The following RAP1A variants were observed in gnomAD, a reference collection of about 807,000 sequenced individuals.
The protein encoded by RAP1A is ras-related protein Rap-1A.
A neutral mutation model predicts 26.4 loss-of-function variants in RAP1A; 6 were observed. The observed-to-expected ratio is 0.23, with a 90% CI of 0.12 to 0.45. The LOEUF is 0.45. Ranked by LOEUF, RAP1A falls within the 20% of genes least tolerant of loss-of-function variation. The pLI, the probability that RAP1A is intolerant of heterozygous loss-of-function variation, is 0.99. For missense variants in RAP1A, 121 were observed against 217.2 expected (o/e 0.56, Z 2.78); for synonymous variants, 73 against 79.4 (o/e 0.92, Z 0.43).
chr1:111,614,290 G>A (rs1250055096), intron 1 of RAP1A, among the ~76,000 whole-genome samples: 1 of 152,130 alleles, frequency 6.6e-6, no homozygotes, highest in African/African-American at 2.4e-5. Context: ...CCAATGCCAG[G>A]TCACATTTTT....
chr1:111,652,834 T>C (rs1225543783), intron 1 of RAP1A, among the ~76,000 whole-genome samples: 2 of 152,020 alleles, frequency 1.3e-5, no homozygotes, highest in East Asian at 1.9e-4. Flanking sequence ...GTTAAACATA[T>C]GCTAAAGAGA....
intron 6 of RAP1A, among the ~76,000 whole-genome samples, chr1:111,705,990 C>T (rs1025545807): frequency 5.3e-5 from 8 of 152,178 alleles, no homozygotes; most frequent in Admixed American, 1.3e-4. Flanking sequence ...GAGGACAGTA[C>T]ACTACATGTT....
At chr1:111,685,807 A>G (rs572054054) in intron 1 of RAP1A, among the ~76,000 whole-genome samples, 5 of 152,346 alleles carry the variant, frequency 3.3e-5, no homozygotes, top group South Asian at 4.1e-4. Context: ...TCATTCTACT[A>G]TAAAGACACA....
chr1:111,596,777 A>G (rs561162640), intron 1 of RAP1A, among the ~76,000 whole-genome samples: 1 of 152,318 alleles, frequency 6.6e-6, no homozygotes, highest in East Asian at 1.9e-4. Flanking sequence ...AACTCACCAG[A>G]GTCCTTTTTA....
chr1:111,545,985 A>G (rs953877481), intron 1 of RAP1A, among the ~76,000 whole-genome samples: 6 of 152,190 alleles, frequency 3.9e-5, no homozygotes, highest in African/African-American at 7.2e-5. Context: ...CTATATGTCT[A>G]GCCTTATGCG....
chr1:111,653,998 C>G (rs1660370091), intron 1 of RAP1A, among the ~76,000 whole-genome samples: 1 of 152,138 alleles, frequency 6.6e-6, no homozygotes, highest in African/African-American at 2.4e-5. Flanking sequence ...CAAGGCGAGT[C>G]TCTTGTTTTC....
At chr1:111,707,146 A>G (rs907535585) in intron 6 of RAP1A, among the ~76,000 whole-genome samples, 4 of 152,162 alleles carry the variant, frequency 2.6e-5, no homozygotes, top group Non-Finnish European at 5.9e-5. Context: ...TTTGAAGAGG[A>G]TGGGAGTGGG....
At chr1:111,696,792 T>C (rs1214760106) in intron 3 of RAP1A, among the ~76,000 whole-genome samples, 4 of 152,212 alleles carry the variant, frequency 2.6e-5, no homozygotes, top group African/African-American at 9.6e-5. Context: ...TTTTCTTTTA[T>C]AAGACCAATG....
In RAP1A at chr1:111,633,742, A is replaced by G. The variant is rs116728647; in HGVS notation, c.-28+13808A>G. On this transcript the variant is annotated intron_variant, in intron 1 of 7. Transcript: ENST00000369709. ...ACTAGTATTTCACTCAAGTGTTACA[A>G]CTTTTACATTGGAATATGATAGCAT... Among the ~76,000 whole-genome samples, 1,417 of 152,330 alleles carry G rather than the reference A, an allele frequency of 9.3e-3. 21 individuals carry two copies. Among genetic ancestry groups the G allele is most frequent in the African/African-American group, 0.032 (1,350 of 41,570 alleles).
intron 1 of RAP1A, among the ~76,000 whole-genome samples, chr1:111,626,027 T>G (rs1659387720): frequency 6.6e-6 from 1 of 152,214 alleles, no homozygotes; most frequent in Admixed American, 6.5e-5. Context: ...GATACTGAGA[T>G]GTGAAGGTGT....
At chr1:111,553,476 G>A (rs1657354811) in intron 1 of RAP1A, among the ~76,000 whole-genome samples, 2 of 151,220 alleles carry the variant, frequency 1.3e-5, no homozygotes, top group Middle Eastern at 3.4e-3. Context: ...CCACGCAACA[G>A]GATAACTTTT....
intron 4 of RAP1A, among the ~76,000 whole-genome samples, chr1:111,702,141 G>A (rs947486059): frequency 2.6e-5 from 4 of 152,162 alleles, no homozygotes; most frequent in Non-Finnish European, 5.9e-5. Context: ...TAGTGGTCAT[G>A]GGGAACAAGG....
upstream of RAP1A, among the ~76,000 whole-genome samples, chr1:111,615,723 C>T (rs920659805): frequency 6.7e-6 from 1 of 149,500 alleles, no homozygotes; most frequent in African/African-American, 2.5e-5. Context: ...CCCAGCTACT[C>T]GGGAGGCTGA....
chr1:111,611,092 T>A (rs1232783483), intron 1 of RAP1A, among the ~76,000 whole-genome samples: 1 of 152,206 alleles, frequency 6.6e-6, no homozygotes, highest in Non-Finnish European at 1.5e-5. Context: ...CTACACAGAG[T>A]GCAGAAGTCC....
chr1:111,641,363 A>G (rs1659885996), intron 1 of RAP1A, among the ~76,000 whole-genome samples: 1 of 152,140 alleles, frequency 6.6e-6, no homozygotes, highest in African/African-American at 2.4e-5. Flanking sequence ...GAGAACGTAT[A>G]GTGTGGTGGA....
At chr1:111,626,011 T>C (rs140468661) in intron 1 of RAP1A, among the ~76,000 whole-genome samples, 1 of 152,158 alleles carries the variant, frequency 6.6e-6, no homozygotes, top group Non-Finnish European at 1.5e-5. Context: ...ATTAGGCTCT[T>C]TGATGGATAC....
intron 1 of RAP1A, among the ~76,000 whole-genome samples, chr1:111,674,568 G>A (rs1224493462): frequency 6.6e-6 from 1 of 152,102 alleles, no homozygotes; most frequent in Non-Finnish European, 1.5e-5. Flanking sequence ...ATATCTATCA[G>A]ATACCTTTAC....
At chr1:111,569,449 CCCTAA>C (rs1657998315) in intron 1 of RAP1A, among the ~76,000 whole-genome samples, 1 of 151,908 alleles carries the variant, frequency 6.6e-6, no homozygotes, top group African/African-American at 2.4e-5. Context: ...GGGTCAGCAC[CCCTAA>C]CCTAACCCCT....
upstream of RAP1A, among the ~76,000 whole-genome samples, chr1:111,618,075 G>C (rs150867887): frequency 3.3e-5 from 5 of 151,814 alleles, no homozygotes; most frequent in East Asian, 9.7e-4. Context: ...ATACTAAAAT[G>C]AGAAAAAGCA....
Sources: allele counts gnomAD v4.1 joint callset (sites outside exome capture counted in the v4.1 genomes callset), GRCh38; gene constraint gnomAD v4.1.1; transcripts MANE v1.5; gene names NCBI Gene and HGNC (gene_info 2026-07-23, HGNC 2026-07-21).